The following CAAP1 variants were observed in gnomAD, a reference collection of about 807,000 sequenced individuals.
The protein encoded by CAAP1 is conserved anti-apoptotic protein.
CAAP1 carries 20 observed loss-of-function variants against 34.0 expected under a neutral mutation model. The observed-to-expected ratio is 0.59, with a 90% CI of 0.41 to 0.86. CAAP1 has a LOEUF of 0.86. CAAP1 is among the 40% of genes least tolerant of loss of function. The pLI is 0.00. For missense variants in CAAP1, 538 were observed against 450.5 expected (o/e 1.19, Z -1.76); for synonymous variants, 213 against 166.7 (o/e 1.28, Z -2.14).
intron 4 of CAAP1, among the ~76,000 whole-genome samples, chr9:26,873,069 T>C (rs1334495620): frequency 6.6e-6 from 1 of 152,126 alleles, no homozygotes; most frequent in Non-Finnish European, 1.5e-5. Flanking sequence ...GAGACAAGCC[T>C]GGGCAACACA....
intron 3 of CAAP1, 79 bp from the exon 4 acceptor site, chr9:26,884,964 T>A (rs1220484065): frequency 5.7e-6 from 6 of 1,060,612 alleles, no homozygotes; most frequent in Non-Finnish European, 8.4e-6. Flanking sequence ...AAAAGTATAA[T>A]CTTTAAAAGT....
Position 26,892,429 on chromosome 9 carries a change from G to C in CAAP1, c.287C>G (p.Ser96Trp), listed in dbSNP as rs749294350. 1.1e-5 allele frequency: 17 copies of C among 1,603,552 alleles called. No homozygotes were observed. Among genetic ancestry groups the C allele is most frequent in the Non-Finnish European group, 1.4e-5 (16 of 1,177,098 alleles). The change falls in exon 1 of 6, where the codon TCG (serine) becomes TGG (tryptophan). Residue 96 changes from serine (S) to tryptophan (W), a missense_variant. By Grantham distance (177) the Ser-to-Trp change is radical (BLOSUM62 -3). Coordinates refer to ENST00000333916, the MANE Select transcript of CAAP1 (RefSeq NM_024828.4). ...CGCACGCACCTGCTGCAAGGAGCCC[G>C]AGACGCTGGAAGAGTCGGTACTCCT... Reference protein sequence around the residue: ...KRRSTDSSSVSGSLQQETKYI... With the variant: ...KRRSTDSSSVWGSLQQETKYI...
intron 4 of CAAP1, among the ~76,000 whole-genome samples, chr9:26,870,617 T>C (rs1823251863): frequency 6.7e-6 from 1 of 149,186 alleles, no homozygotes; most frequent in Non-Finnish European, 1.5e-5. Context: ...TGTGTATACA[T>C]ATATTTTTTT....
chr9:26,887,907 A>C (rs1428273065), intron 1 of CAAP1, among the ~76,000 whole-genome samples: 1 of 152,214 alleles, frequency 6.6e-6, no homozygotes, highest in South Asian at 2.1e-4. Flanking sequence ...AGATGTTACA[A>C]ATCACAAATA....
chr9:26,892,332 C>G (rs779103037), intron 1 of CAAP1, 81 bp downstream of exon 1: 29 of 1,563,456 alleles, frequency 1.9e-5, no homozygotes, highest in Non-Finnish European at 2.5e-5. Flanking sequence ...GAGCTCCAGC[C>G]TGCGCCCCAT....
intron 4 of CAAP1, among the ~76,000 whole-genome samples, chr9:26,867,896 C>T (rs1823175812): frequency 6.6e-6 from 1 of 152,058 alleles, no homozygotes. Flanking sequence ...ATAGGCTTCA[C>T]TAGACTTCCA....
intron 4 of CAAP1, among the ~76,000 whole-genome samples, chr9:26,874,042 C>G (rs1439772337): frequency 1.3e-5 from 2 of 151,626 alleles, no homozygotes; most frequent in Non-Finnish European, 2.9e-5. Context: ...CCCATCTCTA[C>G]TAAAAATACA....
chr9:26,887,378 G>A lies in CAAP1; in HGVS notation c.439C>T (p.Leu147Phe), dbSNP rs1251460428. The part of the protein sequence containing the change: ...SFYISDKKEM[L>F]QQCFCIIGEK... ...CCTATAATACAGAAGCACTGCTGAA[G>A]CATTTCTTTTTTGTCTGATATATAG... The change falls in exon 2 of 6, where the codon CTT becomes TTT. Residue 147 changes from leucine (L) to phenylalanine (F), a missense_variant. Physicochemically the swap from Leu to Phe is conservative, Grantham distance 22 (BLOSUM62 0). Transcript: ENST00000333916. The A allele has an allele frequency of 1.2e-6, 2 of 1,611,656 alleles. No individual in the cohort carries two copies. Among genetic ancestry groups the A allele is most frequent in the Admixed American group, 3.3e-5 (2 of 59,754 alleles).
rs945687542 is a variant in CAAP1 at position 26,885,593 on chromosome 9, G to GA, written c.589+510dup. 3.6e-3 allele frequency among the ~76,000 whole-genome samples: 521 copies of GA among 146,532 alleles called. 2 individuals carry two copies. Among genetic ancestry groups the GA allele is most frequent in the African/African-American group, 0.012 (483 of 40,034 alleles). Reference sequence around the variant, plus strand: ...CTAAAATCCTTGCAAAGTCCCAAAAGAAAAAAAAAATGCCTGATAATCCAA... The same window carrying GA: ...CTAAAATCCTTGCAAAGTCCCAAAAGAAAAAAAAAAATGCCTGATAATCCAA... On this transcript the variant is annotated intron_variant, in intron 3 of 5. Transcript: ENST00000333916.
intron 4 of CAAP1, among the ~76,000 whole-genome samples, chr9:26,882,442 A>C (rs1823614159): frequency 6.6e-6 from 1 of 152,204 alleles, no homozygotes; most frequent in Non-Finnish European, 1.5e-5. Flanking sequence ...CTGCAGTTGC[A>C]TAGAAGTCAA....
intron 4 of CAAP1, among the ~76,000 whole-genome samples, chr9:26,883,401 A>C (rs1308927479): frequency 1.3e-5 from 2 of 152,176 alleles, no homozygotes; most frequent in Non-Finnish European, 2.9e-5. Context: ...CATGATTGTG[A>C]GGCATCCCCA....
intron 4 of CAAP1, among the ~76,000 whole-genome samples, chr9:26,884,160 G>T (rs1823667532): frequency 6.6e-6 from 1 of 152,178 alleles, no homozygotes; most frequent in East Asian, 1.9e-4. Context: ...TCATTATTTG[G>T]AAACTACCAA....
chr9:26,891,868 A>G (rs1823911828), intron 1 of CAAP1, among the ~76,000 whole-genome samples: 1 of 152,198 alleles, frequency 6.6e-6, no homozygotes, highest in African/African-American at 2.4e-5. Context: ...ATTTGTTTTC[A>G]AACAAATTAT....
intron 4 of CAAP1, among the ~76,000 whole-genome samples, chr9:26,866,053 G>T (rs2131316316): frequency 6.6e-6 from 1 of 152,232 alleles, no homozygotes; most frequent in South Asian, 2.1e-4. Flanking sequence ...CACCATGTTG[G>T]CCAGGCTAGT....
At chr9:26,884,679 A>T (rs1332258906) in intron 4 of CAAP1, 131 bp downstream of exon 4, 4 of 730,024 alleles carry the variant, frequency 5.5e-6, no homozygotes, top group Non-Finnish European at 9.3e-6. Context: ...CAAGTAGACA[A>T]ATAAATCTTT....
In CAAP1 at chr9:26,880,111, T is replaced by C. The variant is rs541068904; in HGVS notation, c.665+4699A>G. ...AAAAAATCCGGGGGGGGGGGGTCTCTTTTAGAGAATGTAATGTTTCCCATC... is the reference window on the plus strand; with the variant it reads ...AAAAAATCCGGGGGGGGGGGGTCTCCTTTAGAGAATGTAATGTTTCCCATC... On this transcript the variant is annotated intron_variant, in intron 4 of 5. Coordinates refer to ENST00000333916, the MANE Select transcript of CAAP1 (RefSeq NM_024828.4). 1.1e-4 allele frequency: 23 copies of C among 204,840 alleles called. No individual in the cohort carries two copies. In the South Asian group the frequency reaches 1.4e-3, roughly 12 times the overall value. 12.7% of individuals were successfully genotyped at this position (204,840 alleles called of 1,614,324 possible).
chr9:26,873,785 T>G (rs1823339364), intron 4 of CAAP1, among the ~76,000 whole-genome samples: 1 of 152,162 alleles, frequency 6.6e-6, no homozygotes, highest in African/African-American at 2.4e-5. Context: ...TCCTAATAGT[T>G]TTAAAACACT....
intron 4 of CAAP1, among the ~76,000 whole-genome samples, chr9:26,883,038 G>A (rs1029069990): frequency 2.6e-5 from 4 of 152,118 alleles, no homozygotes; most frequent in African/African-American, 9.7e-5. Flanking sequence ...TGATTTTACA[G>A]GCTCATAGGC....
chr9:26,853,853 A>G (rs1822809664), intron 5 of CAAP1, among the ~76,000 whole-genome samples: 1 of 152,174 alleles, frequency 6.6e-6, no homozygotes, highest in Non-Finnish European at 1.5e-5. Flanking sequence ...TTATTTACAT[A>G]TCTGTTTTCC....
Sources: allele counts gnomAD v4.1 joint callset (sites outside exome capture counted in the v4.1 genomes callset), GRCh38; gene constraint gnomAD v4.1.1; transcripts MANE v1.5; gene names NCBI Gene and HGNC (gene_info 2026-07-23, HGNC 2026-07-21).